The following LMO4 variants were observed in gnomAD, a reference collection of about 807,000 sequenced individuals.
LMO4 encodes LIM domain transcription factor LMO4.
In LMO4, 3 loss-of-function variants were observed where a neutral mutation model predicts 18.5. The observed-to-expected ratio is 0.16, with a 90% CI of 0.07 to 0.42. The LOEUF is 0.42. Ranked by LOEUF, LMO4 falls within the 10% of genes least tolerant of loss-of-function variation. The probability of loss-of-function intolerance (pLI) is 0.99; values close to 1 mark genes in which losing one functional copy is unlikely to be tolerated. For missense variants in LMO4, 121 were observed against 219.9 expected (o/e 0.55, Z 2.84); for synonymous variants, 100 against 88.1 (o/e 1.14, Z -0.76).
At chr1:87,339,737 C>A in intron 3 of LMO4, 105 bp downstream of exon 3, 1 of 760,550 alleles carries the variant, frequency 1.3e-6, no homozygotes, top group Non-Finnish European at 2.2e-6. Flanking sequence ...TCTCAAGCTG[C>A]AGACACTTGA....
In LMO4 at chr1:87,332,147, C is replaced by T. The variant is rs1188737259; in HGVS notation, c.132C>T (p.His44=). The change falls in exon 2 of 5, where the codon CAC becomes CAT. Residue 44 remains histidine, a synonymous_variant. Transcript: ENST00000370544. ...FLLYAMDSYW[H]SRCLKCSCCQ... ...TCTATGCCATGGACAGCTATTGGCA[C>T]AGCCGGTGCCTCAAGTGCTCCTGCT... 4 of 1,614,114 alleles carry T rather than the reference C, an allele frequency of 2.5e-6. No homozygotes were observed. The African/African-American group carries it at 5.3e-5, about 22-fold the overall frequency.
rs1650710458 is a variant in LMO4, at chr1:87,348,895, C to T, written c.*4099C>T. 2 of 435,092 alleles carry T rather than the reference C, an allele frequency of 4.6e-6. No homozygotes were observed. The highest frequency in any genetic ancestry group is 9.3e-6 in the Non-Finnish European group (2 of 215,952). 27.0% of individuals were successfully genotyped at this position (435,092 alleles called of 1,614,324 possible). On this transcript the variant is annotated 3_prime_UTR_variant, in exon 5 of 5. Transcript: ENST00000370544. ...CAGGGCCATTCTATTTCCTAAATCA[C>T]AACTAATAAAGCAGAGGATGAAAAT... is the stretch of plus-strand genomic sequence containing the variant.
intron 4 of LMO4, among the ~76,000 whole-genome samples, chr1:87,343,552 G>C (rs1285970408): frequency 1.3e-5 from 2 of 152,162 alleles, no homozygotes; most frequent in Non-Finnish European, 2.9e-5. Flanking sequence ...GTTTTCAGTG[G>C]AACAGGAGTT....
At position 87,329,235 on chromosome 1, in the gene LMO4, G is replaced by A. The variant is rs1179808230; in HGVS notation, c.-13G>A. The A allele has an allele frequency of 6.6e-6, 1 of 152,400 alleles. No individual in the cohort carries two copies. The highest frequency in any genetic ancestry group is 1.9e-4 in the East Asian group (1 of 5,170). The allele number at this position is 152,400 out of a possible 1,614,324, so 9.4% of individuals were successfully genotyped here. On this transcript the variant is annotated 5_prime_UTR_variant, in exon 1 of 5. Coordinates refer to ENST00000370544, the MANE Select transcript of LMO4 (RefSeq NM_006769.4). Reference sequence around the variant, plus strand: ...GCCTCTCGCAATATTGCAATATAGGGGAAAAGCAGGTAAGGGGGCGGGTGG... The same window carrying A: ...GCCTCTCGCAATATTGCAATATAGGAGAAAAGCAGGTAAGGGGGCGGGTGG...
chr1:87,331,633 C>CGGAGGAGG (rs1349738022), intron 1 of LMO4: 5 of 216,788 alleles, frequency 2.3e-5, no homozygotes, highest in African/African-American at 7.2e-5. Flanking sequence ...AGGCGGGCGG[C>CGGAGGAGG]GGAGGAGGGG....
intron 2 of LMO4, among the ~76,000 whole-genome samples, chr1:87,336,955 G>T (rs964138309): frequency 2.0e-5 from 3 of 151,700 alleles, no homozygotes; most frequent in African/African-American, 4.9e-5. Context: ...TAACTCTCCA[G>T]CGCACAGAAA....
At chr1:87,338,107 C>A (rs1490842981) in intron 2 of LMO4, among the ~76,000 whole-genome samples, 1 of 152,116 alleles carries the variant, frequency 6.6e-6, no homozygotes, top group Non-Finnish European at 1.5e-5. Context: ...GTCGTTCAGT[C>A]AATACATTTA....
In LMO4 at chr1:87,348,779, G is replaced by A. The variant is rs1338259441; in HGVS notation, c.*3983G>A. The A allele has an allele frequency of 1.9e-6, 1 of 513,384 alleles. No individual in the cohort carries two copies. The highest frequency in any genetic ancestry group is 2.0e-5 in the Admixed American group (1 of 50,728). The allele number at this position is 513,384 out of a possible 1,614,324, so 31.8% of individuals were successfully genotyped here. On this transcript the variant is annotated 3_prime_UTR_variant, in exon 5 of 5. Coordinates refer to ENST00000370544, the MANE Select transcript of LMO4 (RefSeq NM_006769.4). ...TGTTTCCTAGAGGGAATGTTTTCAA[G>A]TTCAGATTGATTCTGCTGAGAATGG... is the stretch of plus-strand genomic sequence containing the variant.
At chr1:87,335,970 T>TC (rs1650299358) in intron 2 of LMO4, among the ~76,000 whole-genome samples, 1 of 151,802 alleles carries the variant, frequency 6.6e-6, no homozygotes, top group Non-Finnish European at 1.5e-5. Context: ...ATTCAAGGCC[T>TC]CCAATTCACT....
rs762008775 is a variant in LMO4, at chr1:87,340,079, G to A, written c.366G>A (p.Leu122=). Residue 122 remains leucine (L), a synonymous_variant, in exon 4 of 5, where the codon CTG becomes CTA. Coordinates refer to ENST00000370544, the MANE Select transcript of LMO4 (RefSeq NM_006769.4). ...CFTCSTCRNR[L]VPGDRFHYIN... ...CATGCTCTACCTGCCGGAATCGCCT[G>A]GTCCCGGGAGATCGGTTTCACTACA... 14 of 1,613,952 alleles carry A rather than the reference G, an allele frequency of 8.7e-6. 1 individual carries two copies. Among genetic ancestry groups the A allele is most frequent in the Admixed American group, 8.3e-5 (5 of 60,002 alleles).
chr1:87,335,819 G>A (rs1650290759), intron 2 of LMO4, among the ~76,000 whole-genome samples: 1 of 150,974 alleles, frequency 6.6e-6, no homozygotes, highest in African/African-American at 2.4e-5. Context: ...TCACTTTGAA[G>A]TCTGCCCACT....
At chr1:87,331,650 G>A (rs1650150960) in intron 1 of LMO4, 2 of 269,116 alleles carry the variant, frequency 7.4e-6, no homozygotes, top group African/African-American at 4.5e-5. Context: ...GGGGAGGAGG[G>A]GGCAGTGGGC....
intron 2 of LMO4, among the ~76,000 whole-genome samples, chr1:87,338,835 T>C (rs1650392224): frequency 6.6e-6 from 1 of 152,126 alleles, no homozygotes; most frequent in South Asian, 2.1e-4. Flanking sequence ...TTTCATTCAG[T>C]TTGTTGCTAG....
intron 2 of LMO4, among the ~76,000 whole-genome samples, chr1:87,337,669 G>A (rs1291174966): frequency 2.6e-5 from 4 of 152,162 alleles, no homozygotes; most frequent in African/African-American, 9.7e-5. Flanking sequence ...GTTTGAATTT[G>A]GTATCCCTTT....
chr1:87,335,638 G>C (rs1217752210), intron 2 of LMO4, among the ~76,000 whole-genome samples: 1 of 152,112 alleles, frequency 6.6e-6, no homozygotes, highest in Non-Finnish European at 1.5e-5. Context: ...TTGGGTAGGG[G>C]GTGGCGTTAG....
Position 87,348,658 on chromosome 1 carries a change from T to G in LMO4, c.*3862T>G. On this transcript the variant is annotated 3_prime_UTR_variant, in exon 5 of 5. Transcript: ENST00000370544. Reference sequence around the variant, plus strand: ...TGAACATGCTGAGAGCAATGACAAGTCAGGGCTGATTTTTGGAAGGTGAAC... The same window carrying G: ...TGAACATGCTGAGAGCAATGACAAGGCAGGGCTGATTTTTGGAAGGTGAAC... 1 of 476,104 alleles carries G rather than the reference T, an allele frequency of 2.1e-6. No homozygotes were observed. Among genetic ancestry groups the G allele is most frequent in the Non-Finnish European group, 4.2e-6 (1 of 236,942 alleles). The allele number at this position is 476,104 out of a possible 1,614,324, so 29.5% of individuals were successfully genotyped here.
chr1:87,337,572 C>T (rs533176702), intron 2 of LMO4, among the ~76,000 whole-genome samples: 4 of 152,316 alleles, frequency 2.6e-5, no homozygotes, highest in Non-Finnish European at 1.5e-5. Flanking sequence ...TCTGTCACCC[C>T]CTTCTACCCC....
At chr1:87,340,317 A>C in intron 4 of LMO4, 115 bp downstream of exon 4, 2 of 894,204 alleles carry the variant, frequency 2.2e-6, no homozygotes, top group East Asian at 5.0e-5. Context: ...CCTTTTAAAG[A>C]AATGTAGATT....
chr1:87,345,155 G>T lies in LMO4; in HGVS notation c.*359G>T, dbSNP rs1324968464. 1 of 238,220 alleles carries T rather than the reference G, an allele frequency of 4.2e-6. No homozygotes were observed. Among genetic ancestry groups the T allele is most frequent in the Non-Finnish European group, 8.1e-6 (1 of 124,104 alleles). The allele number at this position is 238,220 out of a possible 1,614,324, so 14.8% of individuals were successfully genotyped here. On this transcript the variant is annotated 3_prime_UTR_variant, in exon 5 of 5. Coordinates refer to ENST00000370544, the MANE Select transcript of LMO4 (RefSeq NM_006769.4). ...TTTCTACCCTCATTAACAATTAGCA[G>T]GGCACTGGCCAGAGTTTGTACCCTG...
Sources: allele counts gnomAD v4.1 joint callset (sites outside exome capture counted in the v4.1 genomes callset), GRCh38; gene constraint gnomAD v4.1.1; transcripts MANE v1.5; gene names NCBI Gene and HGNC (gene_info 2026-07-23, HGNC 2026-07-21).